The following SGCZ variants were observed in gnomAD, a reference collection of about 807,000 sequenced individuals.
SGCZ encodes sarcoglycan zeta, also known as zeta-sarcoglycan.
In SGCZ, 40 loss-of-function variants were observed where a neutral mutation model predicts 41.3. That is an observed-to-expected ratio of 0.97 (90% CI 0.75 to 1.26). The LOEUF (loss-of-function observed/expected upper bound fraction) is 1.26, where lower values mean the gene tolerates loss of function less well. Among genes scored for constraint, SGCZ ranks in the 50% most tolerant of loss-of-function variants. The probability of loss-of-function intolerance (pLI) is 0.00; values close to 1 mark genes in which losing one functional copy is unlikely to be tolerated. For missense variants in SGCZ, 552 were observed against 369.8 expected (o/e 1.49, Z -4.04); for synonymous variants, 206 against 137.5 (o/e 1.50, Z -3.49).
intron 1 of SGCZ, among the ~76,000 whole-genome samples, chr8:14,989,393 G>T (rs926327189): frequency 6.6e-6 from 1 of 152,070 alleles, no homozygotes; most frequent in African/African-American, 2.4e-5. Context: ...GGCTGAGGTG[G>T]GAGGATTGCT....
At chr8:14,965,817 C>G (rs1431636833) in intron 1 of SGCZ, among the ~76,000 whole-genome samples, 2 of 151,930 alleles carry the variant, frequency 1.3e-5, no homozygotes, top group Admixed American at 1.3e-4. Flanking sequence ...ACATATCTTT[C>G]AAGATATATC....
intron 1 of SGCZ, among the ~76,000 whole-genome samples, chr8:14,658,673 C>T (rs1807652775): frequency 6.6e-6 from 1 of 152,088 alleles, no homozygotes; most frequent in African/African-American, 2.4e-5. Flanking sequence ...TACCACTCTC[C>T]TTCTTTACTT....
intron 3 of SGCZ, among the ~76,000 whole-genome samples, chr8:14,241,636 T>C (rs923843921): frequency 6.6e-6 from 1 of 151,898 alleles, no homozygotes; most frequent in East Asian, 1.9e-4. Context: ...AGGTATCTCA[T>C]GGTTTTCCGA....
At position 14,829,321 on chromosome 8, in the gene SGCZ, C is replaced by A. The variant is rs1802446155; in HGVS notation, c.40-274395G>T. On this transcript the variant is annotated intron_variant, in intron 1 of 7. Coordinates refer to ENST00000382080, the MANE Select transcript of SGCZ (RefSeq NM_139167.4). ...AAAACTGCATTGACATCATTAAATT[C>A]CCAGAAACGTCAATTCTTCAGGGAT... Among the ~76,000 whole-genome samples, 4 of 139,948 alleles carry A rather than the reference C, an allele frequency of 2.9e-5. 1 individual carries two copies. Among genetic ancestry groups the A allele is most frequent in the African/African-American group, 1.2e-4 (4 of 33,216 alleles). The allele number at this position is 139,948 out of a possible 152,430, so 91.8% of individuals were successfully genotyped here.
intron 1 of SGCZ, among the ~76,000 whole-genome samples, chr8:14,752,740 G>GA (rs1431768434): frequency 6.6e-6 from 1 of 152,034 alleles, no homozygotes; most frequent in Non-Finnish European, 1.5e-5. Flanking sequence ...GAAAGCAAAA[G>GA]AAAAAAGAAA....
chr8:14,588,273 A>G (rs1460715841), intron 1 of SGCZ, among the ~76,000 whole-genome samples: 2 of 151,946 alleles, frequency 1.3e-5, no homozygotes, highest in African/African-American at 4.8e-5. Context: ...TTTGCATAAA[A>G]TCAAGATTTC....
chr8:14,514,924 G>A (rs1047060157), intron 2 of SGCZ, among the ~76,000 whole-genome samples: 1 of 151,354 alleles, frequency 6.6e-6, no homozygotes, highest in East Asian at 2.0e-4. Flanking sequence ...TTACACCATA[G>A]GGGAATGACT....
chr8:14,624,263 G>A (rs955680199), intron 1 of SGCZ, among the ~76,000 whole-genome samples: 11 of 152,044 alleles, frequency 7.2e-5, no homozygotes, highest in African/African-American at 2.7e-4. Context: ...TCTGTTGAAA[G>A]CCTTAGGAAT....
chr8:14,811,668 A>G (rs977254858), intron 1 of SGCZ, among the ~76,000 whole-genome samples: 2 of 151,744 alleles, frequency 1.3e-5, no homozygotes, highest in African/African-American at 2.4e-5. Context: ...CCATTAAAAG[A>G]GTACATTGTC....
chr8:14,099,069 C>G (rs1031259964), intron 7 of SGCZ, among the ~76,000 whole-genome samples: 1 of 152,084 alleles, frequency 6.6e-6, no homozygotes, highest in African/African-American at 2.4e-5. Context: ...ATATGGAGTA[C>G]TTAGAGAAAA....
chr8:14,711,598 TAAAAAAAAA>T (rs200467876), intron 1 of SGCZ, among the ~76,000 whole-genome samples: 1 of 80,290 alleles, frequency 1.2e-5, no homozygotes, highest in African/African-American at 4.6e-5. Flanking sequence ...TGAGACTCTG[TAAAAAAAAA>T]AAAAAAAAAA....
chr8:14,177,958 C>CTTTTCTTTTTTTTT (rs767919994), intron 4 of SGCZ, among the ~76,000 whole-genome samples: 17 of 95,046 alleles, frequency 1.8e-4, no homozygotes, highest in African/African-American at 4.8e-4. Context: ...CTTTTTTTTT[C>CTTTTCTTTTTTTTT]TTTTTTTTTT....
Position 15,237,695 on chromosome 8 carries a change from C to T in SGCZ, c.-72G>A. On this transcript the variant is annotated 5_prime_UTR_variant, in exon 1 of 8. It introduces an in-frame stop codon into an upstream open reading frame of the 5' UTR. Coordinates refer to ENST00000382080, the MANE Select transcript of SGCZ (RefSeq NM_139167.4). ...AAAAACAATCTAGTCTTTTAGTTTC[C>T]AGCTTAAACTCAGCTTTATCCTCCT... 1 of 1,520,368 alleles carries T rather than the reference C, an allele frequency of 6.6e-7. No individual in the cohort carries two copies. The highest frequency in any genetic ancestry group is 1.2e-5 in the South Asian group (1 of 83,426). 94.2% of individuals were successfully genotyped at this position (1,520,368 alleles called of 1,614,324 possible).
rs983831641 is a variant in SGCZ at position 14,295,193 on chromosome 8, A to C, written c.336+28910T>G. ...AAGATGCGAAAAGAAATGTTCTTCA[A>C]CTGGTGAAATGAATAGGAAACTCTT... On this transcript the variant is annotated intron_variant, in intron 3 of 7. Coordinates refer to ENST00000382080, the MANE Select transcript of SGCZ (RefSeq NM_139167.4). 4.6e-5 allele frequency among the ~76,000 whole-genome samples: 7 copies of C among 152,178 alleles called. 1 individual carries two copies. The South Asian group carries it at 1.2e-3, about 27-fold the overall frequency.
intron 2 of SGCZ, among the ~76,000 whole-genome samples, chr8:14,334,574 T>A (rs1802446399): frequency 6.6e-6 from 1 of 152,076 alleles, no homozygotes; most frequent in Admixed American, 6.6e-5. Context: ...CTGAGTTAAT[T>A]TGTATATCTT....
At chr8:15,049,592 G>C (rs561727710) in intron 1 of SGCZ, among the ~76,000 whole-genome samples, 62 of 152,252 alleles carry the variant, frequency 4.1e-4, no homozygotes, top group African/African-American at 1.4e-3. Flanking sequence ...ATTAGGCAGA[G>C]ATATGTACTG....
intron 1 of SGCZ, among the ~76,000 whole-genome samples, chr8:15,206,055 G>A (rs1268970255): frequency 6.6e-6 from 1 of 152,120 alleles, no homozygotes; most frequent in Non-Finnish European, 1.5e-5. Context: ...AGGGAGAGGA[G>A]CAGAAACAAA....
intron 1 of SGCZ, among the ~76,000 whole-genome samples, chr8:14,901,994 C>T (rs934482915): frequency 6.6e-6 from 1 of 152,130 alleles, no homozygotes; most frequent in Non-Finnish European, 1.5e-5. Flanking sequence ...ACTGGTATAA[C>T]ATATCACTAA....
chr8:14,595,400 A>AACAGAC (rs1554459943), intron 1 of SGCZ, among the ~76,000 whole-genome samples: 1 of 136,316 alleles, frequency 7.3e-6, no homozygotes, highest in Non-Finnish European at 1.6e-5. Flanking sequence ...AACATGCACA[A>AACAGAC]ACACACACAC....
Sources: gnomAD v4.1 joint callset for allele counts (sites outside exome capture counted in the v4.1 genomes callset) on GRCh38, gnomAD v4.1.1 for gene constraint, MANE v1.5 for transcripts, NCBI Gene and HGNC (gene_info 2026-07-23, HGNC 2026-07-21) for gene names.